HSD17B12: variants seen among roughly 807,000 people sequenced by gnomAD.
HSD17B12 encodes the protein hydroxysteroid 17-beta dehydrogenase 12.
Under a neutral mutation model 39.3 loss-of-function variants are expected in HSD17B12, and 32 were observed. The observed-to-expected ratio is 0.81, with a 90% CI of 0.61 to 1.09. HSD17B12 has a LOEUF of 1.09. Ranked by LOEUF, HSD17B12 falls within the 50% of genes least tolerant of loss-of-function variation. HSD17B12 has a pLI of 0.00. For missense variants in HSD17B12, 342 were observed against 382.9 expected, an observed-to-expected ratio of 0.89 and a Z score of 0.89; for synonymous variants, 150 against 146.7, an observed-to-expected ratio of 1.02 and a Z score of -0.16.
At chr11:43,730,983 A>G (rs117372727) in intron 1 of HSD17B12, among the ~76,000 whole-genome samples, 1,936 of 152,102 alleles carry the variant, frequency 0.013, 24 homozygotes, top group East Asian at 0.044. Context: ...CCCACTTCTT[A>G]TATGAAGAAT....
the HSD17B12 span, among the ~76,000 whole-genome samples, chr11:43,626,249 A>T: frequency 6.6e-6 from 1 of 151,810 alleles, no homozygotes; most frequent in African/African-American, 2.4e-5. Context: ...TAAAATTTTT[A>T]AAAATATTTT....
At chr11:43,677,808 T>A (rs905014552), upstream of HSD17B12, among the ~76,000 whole-genome samples, 2 of 152,350 alleles carry the variant, frequency 1.3e-5, no homozygotes, top group Admixed American at 1.3e-4. Context: ...TTCCATGGTG[T>A]ATATGTGCCA....
intron 9 of HSD17B12, chr11:43,854,266 G>A (rs1951560641): frequency 6.5e-6 from 1 of 153,772 alleles, no homozygotes; most frequent in Non-Finnish European, 1.4e-5. Flanking sequence ...AAGGATCAAA[G>A]CTGATAGAAC....
chr11:43,686,132 G>C (rs1486649129), intron 1 of HSD17B12, among the ~76,000 whole-genome samples: 1 of 152,200 alleles, frequency 6.6e-6, no homozygotes, highest in South Asian at 2.1e-4. Flanking sequence ...CTCCCTGGAG[G>C]TCCAGCTTGG....
intron 1 of HSD17B12, among the ~76,000 whole-genome samples, chr11:43,719,545 C>T (rs1950156765): frequency 1.3e-5 from 2 of 151,942 alleles, no homozygotes; most frequent in South Asian, 2.1e-4. Flanking sequence ...TGTCCTCATA[C>T]ACCCATCTAC....
the HSD17B12 span, chr11:43,645,946 A>C: frequency 6.6e-6 from 1 of 152,088 alleles, no homozygotes. Flanking sequence ...GTGCCACTGC[A>C]CTCCAGCCTG....
intron 1 of HSD17B12, among the ~76,000 whole-genome samples, chr11:43,736,904 A>G (rs1363784959): frequency 6.6e-6 from 1 of 152,172 alleles, no homozygotes; most frequent in Admixed American, 6.5e-5. Context: ...TGAGACTGCT[A>G]TTTTTAGCAA....
At chr11:43,746,830 G>A (rs751040713) in intron 1 of HSD17B12, among the ~76,000 whole-genome samples, 8 of 152,186 alleles carry the variant, frequency 5.3e-5, no homozygotes, top group Non-Finnish European at 7.3e-5. Flanking sequence ...GACAGCTACA[G>A]TGTCACTAGA....
the HSD17B12 span, among the ~76,000 whole-genome samples, chr11:43,619,025 T>G: frequency 8.6e-5 from 13 of 151,020 alleles, no homozygotes; most frequent in African/African-American, 2.9e-4. Context: ...TGTGCAGAAG[T>G]AACAAGAGAC....
At chr11:43,600,358 T>C in the HSD17B12 span, among the ~76,000 whole-genome samples, 1 of 152,116 alleles carries the variant, frequency 6.6e-6, no homozygotes, top group Non-Finnish European at 1.5e-5. Context: ...TACTGTTTCA[T>C]TGAATTATTT....
At chr11:43,702,734 A>C (rs554338190) in intron 1 of HSD17B12, among the ~76,000 whole-genome samples, 1 of 152,202 alleles carries the variant, frequency 6.6e-6, no homozygotes, top group Non-Finnish European at 1.5e-5. Flanking sequence ...AATGGGCCAC[A>C]TGTGGCCCAG....
At chr11:43,788,700 A>G (rs1484665203) in intron 3 of HSD17B12, among the ~76,000 whole-genome samples, 3 of 151,788 alleles carry the variant, frequency 2.0e-5, no homozygotes, top group Non-Finnish European at 2.9e-5. Flanking sequence ...AAAAAAAAAA[A>G]AAAAAAAAAG....
the HSD17B12 span, among the ~76,000 whole-genome samples, chr11:43,604,862 A>G: frequency 6.6e-6 from 1 of 152,240 alleles, no homozygotes; most frequent in Non-Finnish European, 1.5e-5. Flanking sequence ...ATACAATTTT[A>G]TATTTTCTAT....
At chr11:43,699,092 A>T (rs1949938930) in intron 1 of HSD17B12, among the ~76,000 whole-genome samples, 2 of 152,162 alleles carry the variant, frequency 1.3e-5, no homozygotes, top group Admixed American at 1.3e-4. Context: ...ACTACAGTGG[A>T]TTAAAGATAT....
intron 7 of HSD17B12, chr11:43,833,369 CTCCT>C (rs1951333506): frequency 2.0e-5 from 3 of 152,282 alleles, no homozygotes; most frequent in Admixed American, 2.0e-4. Context: ...GGATCTGAGG[CTCCT>C]TCCATCTAGG....
chr11:43,596,345 GGTAGA>G, the HSD17B12 span, among the ~76,000 whole-genome samples: 5 of 152,036 alleles, frequency 3.3e-5, no homozygotes, highest in Non-Finnish European at 4.4e-5. Context: ...TGAGTTCCTG[GGTAGA>G]GTAAAGAAAA....
intron 3 of HSD17B12, among the ~76,000 whole-genome samples, chr11:43,765,126 A>C (rs1253333359): frequency 6.6e-6 from 1 of 150,800 alleles, no homozygotes; most frequent in African/African-American, 2.4e-5. Context: ...GATGCTCTTC[A>C]TTCTTTTATG....
intron 1 of HSD17B12, among the ~76,000 whole-genome samples, chr11:43,736,478 A>G (rs1336100886): frequency 6.6e-6 from 1 of 152,140 alleles, no homozygotes; most frequent in Non-Finnish European, 1.5e-5. Flanking sequence ...CTGAGTGGGA[A>G]AAAGGGGACT....
At chr11:43,734,446 G>T in intron 1 of HSD17B12, 2 of 726,196 alleles carry the variant, frequency 2.8e-6, no homozygotes, top group East Asian at 5.4e-5. Context: ...CCACCGCAGG[G>T]GACAGCCTGA....
Sources: allele counts gnomAD v4.1 joint callset (sites outside exome capture counted in the v4.1 genomes callset), GRCh38; gene constraint gnomAD v4.1.1; transcripts MANE v1.5; gene names NCBI Gene and HGNC (gene_info 2026-07-23, HGNC 2026-07-21).